The following CACNA2D3 variants were observed in gnomAD, a reference collection of about 807,000 sequenced individuals.
CACNA2D3 encodes the protein voltage-dependent calcium channel subunit alpha-2/delta-3.
In CACNA2D3, 60 loss-of-function variants were observed where a neutral mutation model predicts 160.6. The ratio of observed to expected loss-of-function variants is 0.37; its 90% CI spans 0.30 to 0.46. The LOEUF is 0.46. CACNA2D3 is among the 20% of genes least tolerant of loss of function. The pLI, the probability that CACNA2D3 is intolerant of heterozygous loss-of-function variation, is 1.00. For synonymous variants in CACNA2D3, 558 were observed against 492.9 expected (o/e 1.13, Z -1.75); for missense variants, 1,205 against 1,365.0 (o/e 0.88, Z 1.85).
intron 11 of CACNA2D3, among the ~76,000 whole-genome samples, chr3:54,670,081 C>T (rs1318860951): frequency 1.3e-5 from 2 of 152,172 alleles, no homozygotes; most frequent in East Asian, 3.9e-4. Context: ...TGCTCTCCCC[C>T]ACAGGAAGCT....
At chr3:54,290,150 A>T (rs948300823) in intron 2 of CACNA2D3, among the ~76,000 whole-genome samples, 36 of 152,288 alleles carry the variant, frequency 2.4e-4, no homozygotes, top group African/African-American at 7.9e-4. Flanking sequence ...AATTTTCGCA[A>T]CCTACTTATC....
At chr3:54,822,811 C>A (rs1280351455) in intron 14 of CACNA2D3, among the ~76,000 whole-genome samples, 1 of 108,390 alleles carries the variant, frequency 9.2e-6, no homozygotes, top group Non-Finnish European at 1.8e-5. Context: ...TTCTTTCTTT[C>A]TTTCTTTCTT....
At chr3:54,621,236 AAAC>A (rs1698981204) in intron 9 of CACNA2D3, among the ~76,000 whole-genome samples, 1 of 152,246 alleles carries the variant, frequency 6.6e-6, no homozygotes, top group African/African-American at 2.4e-5. Context: ...ACAGGAAAAA[AAAC>A]ATGATTGCTG....
intron 2 of CACNA2D3, among the ~76,000 whole-genome samples, chr3:54,233,950 C>G (rs1300563120): frequency 6.6e-6 from 1 of 151,922 alleles, no homozygotes; most frequent in Non-Finnish European, 1.5e-5. Flanking sequence ...GGGCATTCAT[C>G]CTGGACATAG....
intron 11 of CACNA2D3, among the ~76,000 whole-genome samples, chr3:54,646,184 CTCCTTCCTTGCTTCCTTCCT>C (rs1435554677): frequency 0.17 from 2,475 of 14,588 alleles, 431 homozygotes; most frequent in Non-Finnish European, 0.26. Flanking sequence ...CCCTCCCTCC[CTCCTTCCTTGCTTCCTTCCT>C]TCCTTCCTTC....
intron 5 of CACNA2D3, among the ~76,000 whole-genome samples, chr3:54,561,677 G>A (rs1702327387): frequency 6.6e-6 from 1 of 152,156 alleles, no homozygotes; most frequent in African/African-American, 2.4e-5. Context: ...TTGTCTTTGG[G>A]CTACCATAGG....
At chr3:54,919,937 G>C (rs1038759489) in intron 27 of CACNA2D3, among the ~76,000 whole-genome samples, 2 of 152,116 alleles carry the variant, frequency 1.3e-5, no homozygotes, top group East Asian at 3.9e-4. Context: ...TCTCAGGAGC[G>C]TTGTGAGGTC....
In CACNA2D3 at chr3:55,062,674, C is replaced by G. The variant is rs551545060; in HGVS notation, c.2988-10771C>G. On this transcript the variant is annotated intron_variant, in intron 35 of 37. Coordinates refer to ENST00000474759, the MANE Select transcript of CACNA2D3 (RefSeq NM_018398.3). ...GTAGAATTGGAGGCGTCTGTCCTTA[C>G]GGCTTTTGATTTGAGCTCCTACTGG... Among the ~76,000 whole-genome samples, 9 of 152,290 alleles carry G rather than the reference C, an allele frequency of 5.9e-5. No homozygotes were observed. The East Asian group carries it at 1.7e-3, about 29-fold the overall frequency.
At chr3:54,887,068 G>C (rs1006357224) in intron 23 of CACNA2D3, among the ~76,000 whole-genome samples, 2 of 150,080 alleles carry the variant, frequency 1.3e-5, no homozygotes, top group Non-Finnish European at 2.9e-5. Flanking sequence ...CTCATTCCTT[G>C]GCCTCTTCCA....
rs143474275 is a variant in CACNA2D3 at position 54,223,247 on chromosome 3, G to T, written c.205-97195G>T. 3.7e-3 allele frequency among the ~76,000 whole-genome samples: 564 copies of T among 152,322 alleles called. 4 individuals carry two copies. The highest frequency in any genetic ancestry group is 0.013 in the African/African-American group (535 of 41,566). On this transcript the variant is annotated intron_variant, in intron 2 of 37. Transcript: ENST00000474759. The stretch of plus-strand genomic sequence containing the variant: ...TTGTAAAGTGTACTAAACCTAGACA[G>T]TATAGCCTGCTGCACAATAGGCTGT...
rs149062820 is a variant in CACNA2D3, at chr3:54,654,037, T to C, written c.1167+11796T>C. Among the ~76,000 whole-genome samples the C allele has an allele frequency of 3.6e-3, 548 of 152,260 alleles. 3 individuals carry two copies. Among genetic ancestry groups the C allele is most frequent in the Middle Eastern group, 6.8e-3 (2 of 294 alleles). ...AGCACTTCTAGTAGCATTCTTATTT[T>C]GCAGGTGAGAGAGCTCAGAGGATTT... On this transcript the variant is annotated intron_variant, in intron 11 of 37. Coordinates refer to ENST00000474759, the MANE Select transcript of CACNA2D3 (RefSeq NM_018398.3).
rs531623715 is a variant in CACNA2D3 at position 54,290,456 on chromosome 3, G to T, written c.205-29986G>T. On this transcript the variant is annotated intron_variant, in intron 2 of 37. Transcript: ENST00000474759. ...AAAAATAGGAACACTTTTACACTGT[G>T]TGTGGGACTGTAAACTAGTTCAACC... Among the ~76,000 whole-genome samples the T allele has an allele frequency of 3.8e-3, 581 of 152,118 alleles. 5 individuals carry two copies. Among genetic ancestry groups the T allele is most frequent in the African/African-American group, 7.1e-3 (295 of 41,472 alleles).
intron 2 of CACNA2D3, among the ~76,000 whole-genome samples, chr3:54,276,584 A>AC (rs1473652901): frequency 7.2e-6 from 1 of 138,276 alleles, no homozygotes; most frequent in Non-Finnish European, 1.6e-5. Context: ...AAAAAAAAAA[A>AC]AAAAAAGAAG....
intron 11 of CACNA2D3, among the ~76,000 whole-genome samples, chr3:54,664,573 C>T (rs1438352576): frequency 6.6e-6 from 1 of 152,186 alleles, no homozygotes; most frequent in African/African-American, 2.4e-5. Flanking sequence ...AAGTTAACTG[C>T]AAATGAAACC....
intron 11 of CACNA2D3, among the ~76,000 whole-genome samples, chr3:54,746,095 G>A (rs1701749039): frequency 6.6e-6 from 1 of 152,136 alleles, no homozygotes; most frequent in South Asian, 2.1e-4. Context: ...AAAGCAGCCT[G>A]CTCAATATAA....
intron 14 of CACNA2D3, among the ~76,000 whole-genome samples, chr3:54,821,937 T>C (rs1703613367): frequency 6.6e-6 from 1 of 152,142 alleles, no homozygotes; most frequent in Admixed American, 6.5e-5. Flanking sequence ...GCTGCTGTTT[T>C]TGTAGAACTG....
intron 27 of CACNA2D3, among the ~76,000 whole-genome samples, chr3:54,934,585 A>G (rs1701283192): frequency 6.6e-6 from 1 of 152,168 alleles, no homozygotes; most frequent in Admixed American, 6.5e-5. Context: ...CCCTAAAGCT[A>G]AGGAAGACAG....
At chr3:54,828,152 C>G (rs939679251) in intron 14 of CACNA2D3, among the ~76,000 whole-genome samples, 1 of 152,148 alleles carries the variant, frequency 6.6e-6, no homozygotes, top group Non-Finnish European at 1.5e-5. Flanking sequence ...AAGGTTTTGT[C>G]CCAGGGCCCC....
chr3:54,295,130 T>G (rs1703311669), intron 2 of CACNA2D3, among the ~76,000 whole-genome samples: 1 of 152,066 alleles, frequency 6.6e-6, no homozygotes, highest in Admixed American at 6.6e-5. Flanking sequence ...GAAGAGGTGA[T>G]TAGAAAACCC....
Sources: gnomAD v4.1 joint callset for allele counts (sites outside exome capture counted in the v4.1 genomes callset) on GRCh38, gnomAD v4.1.1 for gene constraint, MANE v1.5 for transcripts, NCBI Gene and HGNC (gene_info 2026-07-23, HGNC 2026-07-21) for gene names.